Variants in USP33 observed in about 807,000 individuals in gnomAD.
USP33 encodes the protein ubiquitin carboxyl-terminal hydrolase 33.
Under a neutral mutation model 124.2 loss-of-function variants are expected in USP33, and 46 were observed. The observed-to-expected ratio is 0.37, with a 90% CI of 0.29 to 0.47. The LOEUF (loss-of-function observed/expected upper bound fraction) is 0.47, where lower values mean the gene tolerates loss of function less well. USP33 is among the 20% of genes least tolerant of loss of function. USP33 has a pLI of 0.99. For missense variants in USP33, 851 were observed against 1,070.6 expected (o/e 0.79, Z 2.86); for synonymous variants, 350 against 352.3 (o/e 0.99, Z 0.07).
In USP33 at chr1:77,697,367, C is replaced by T. The variant is rs1486249366; in HGVS notation, c.2686G>A (p.Asp896Asn). ...ATTTTTTCTTCTGCTTGAAGTATATCTGGATCAACATGAACAACCGGAGGT... is the reference window on the plus strand; with the variant it reads ...ATTTTTTCTTCTGCTTGAAGTATATTTGGATCAACATGAACAACCGGAGGT... ...LRPPVVHVDPDILQAEEKIEV... is the reference protein window; with the variant it reads ...LRPPVVHVDPNILQAEEKIEV... Residue 896 changes from aspartate to asparagine, a missense_variant, in exon 24 of 24, where the codon GAT becomes AAT. Asp to Asn is a conservative substitution (Grantham distance 23, BLOSUM62 1). This residue lies in a region of USP33 where 142 missense variants were observed against 141.8 expected (regional missense o/e 1.00). Coordinates refer to ENST00000370794, the MANE Select transcript of USP33 (RefSeq NM_201624.3). 6.2e-7 allele frequency: 1 copy of T among 1,612,570 alleles called. No individual in the cohort carries two copies. The highest frequency in any genetic ancestry group is 8.5e-7 in the Non-Finnish European group (1 of 1,179,682).
At chr1:77,721,035 T>C (rs1676507563) in intron 15 of USP33, 137 bp downstream of exon 15, 1 of 882,676 alleles carries the variant, frequency 1.1e-6, no homozygotes, top group South Asian at 1.6e-5. Flanking sequence ...AAACAGCTAA[T>C]CTCTATTATT....
rs577662481 is a variant in USP33 at position 77,703,943 on chromosome 1, T to A, written c.2407-2472A>T. On this transcript the variant is annotated intron_variant, in intron 21 of 23. Transcript: ENST00000370794. Reference sequence around the variant, plus strand: ...GCTGATGTGGGGGATCTCTTGAGCCTGGGAGATCAAGGCTGCAAAATTAAC... The same window carrying A: ...GCTGATGTGGGGGATCTCTTGAGCCAGGGAGATCAAGGCTGCAAAATTAAC... 2.0e-5 allele frequency among the ~76,000 whole-genome samples: 3 copies of A among 152,146 alleles called. No individual in the cohort carries two copies. In the East Asian group the frequency reaches 5.8e-4, roughly 29 times the overall value.
intron 3 of USP33, 96 bp from the exon 4 acceptor site, chr1:77,741,035 T>C: frequency 1.2e-6 from 1 of 849,600 alleles, no homozygotes; most frequent in Non-Finnish European, 1.8e-6. Context: ...TAAGTTTGGA[T>C]TACCTGTTTT....
chr1:77,721,365 T>TCC, intron 14 of USP33, 160 bp from the exon 15 acceptor site: 2 of 677,576 alleles, frequency 3.0e-6, no homozygotes, highest in South Asian at 3.9e-5. Flanking sequence ...CTGTTTACCT[T>TCC]CCCCTCCCTT....
intron 7 of USP33, 79 bp from the exon 8 acceptor site, chr1:77,730,810 A>G (rs1677718943): frequency 1.1e-6 from 1 of 891,462 alleles, no homozygotes; most frequent in African/African-American, 1.7e-5. Context: ...TTAACTGACA[A>G]CACATACATT....
At chr1:77,711,689 A>G (rs752931125) in intron 21 of USP33, 58 bp downstream of exon 21, 10 of 1,573,144 alleles carry the variant, frequency 6.4e-6, no homozygotes, top group Middle Eastern at 2.2e-4. Context: ...TATAACTCTG[A>G]TAATTGTCAG....
chr1:77,754,598 G>A (rs548775255), intron 1 of USP33, among the ~76,000 whole-genome samples: 1 of 152,262 alleles, frequency 6.6e-6, no homozygotes, highest in Non-Finnish European at 1.5e-5. Flanking sequence ...AGGATTTGAA[G>A]ATCCCACAAA....
At chr1:77,752,346 C>T (rs770846122) in intron 1 of USP33, among the ~76,000 whole-genome samples, 17 of 151,248 alleles carry the variant, frequency 1.1e-4, no homozygotes, top group East Asian at 2.0e-4. Context: ...ACCGTGTTAC[C>T]CAGACTGGTC....
chr1:77,759,095 G>C (rs1467784803), intron 1 of USP33, among the ~76,000 whole-genome samples: 1 of 152,218 alleles, frequency 6.6e-6, no homozygotes, highest in African/African-American at 2.4e-5. Flanking sequence ...GCTGCAGATG[G>C]ACAGAAGGTA....
At chr1:77,722,620 A>G (rs1676696027) in intron 12 of USP33, among the ~76,000 whole-genome samples, 1 of 152,244 alleles carries the variant, frequency 6.6e-6, no homozygotes, top group South Asian at 2.1e-4. Context: ...TTAAATAGCT[A>G]AAAACATGCC....
rs1673503733 is a variant in USP33 at position 77,697,247 on chromosome 1, T to C, written c.*70A>G. 36 of 1,331,658 alleles carry C rather than the reference T, an allele frequency of 2.7e-5. No homozygotes were observed. The highest frequency in any genetic ancestry group is 3.3e-5 in the Non-Finnish European group (33 of 997,090). 82.5% of individuals were successfully genotyped at this position (1,331,658 alleles called of 1,614,324 possible). A position where few individuals can be genotyped will look rare whatever the true frequency, so the allele number is the denominator to read the frequency against. ...AAGCAAATAAACACGCTTTTAGGAA[T>C]GTTTTCGCATGTGTACATGTCAGGG... On this transcript the variant is annotated 3_prime_UTR_variant, in exon 24 of 24. Transcript: ENST00000370794.
At chr1:77,741,889 A>T in intron 1 of USP33, 141 bp from the exon 2 acceptor site, 1 of 809,720 alleles carries the variant, frequency 1.2e-6, no homozygotes, top group Non-Finnish European at 1.7e-6. Flanking sequence ...TTTGCCCTGT[A>T]AAAAGAGTGT....
intron 4 of USP33, among the ~76,000 whole-genome samples, chr1:77,740,194 A>G (rs1678958278): frequency 6.6e-6 from 1 of 152,190 alleles, no homozygotes. Context: ...CAAAGCAGAA[A>G]GGTGAGTCCA....
At chr1:77,715,907 A>G in intron 17 of USP33, 39 bp from the exon 18 acceptor site, 1 of 1,592,658 alleles carries the variant, frequency 6.3e-7, no homozygotes, top group Non-Finnish European at 8.5e-7. Flanking sequence ...AGTAATACAA[A>G]AACAACAGAA....
Position 77,728,278 on chromosome 1 carries a change from AACT to A in USP33, c.1135+14_1135+16del. On this transcript the variant is annotated intron_variant, in intron 10 of 23. Transcript: ENST00000370794. Reference sequence around the variant, plus strand: ...TGAAATACTATCATTTTCATGAACAAACTACTAAATTGTCACCTGAAGCTCTGC... The same window carrying A: ...TGAAATACTATCATTTTCATGAACAAACTAAATTGTCACCTGAAGCTCTGC... 1 of 1,546,140 alleles carries A rather than the reference AACT, an allele frequency of 6.5e-7. No homozygotes were observed. The highest frequency in any genetic ancestry group is 2.3e-5 in the East Asian group (1 of 44,292).
At chr1:77,756,061 TTAAC>T (rs1190370458) in intron 1 of USP33, among the ~76,000 whole-genome samples, 2 of 152,050 alleles carry the variant, frequency 1.3e-5, no homozygotes, top group East Asian at 3.8e-4. Context: ...TTTTCACAAG[TTAAC>T]TAACTTTTAA....
intron 18 of USP33, among the ~76,000 whole-genome samples, chr1:77,715,306 A>T (rs575554331): frequency 3.3e-5 from 5 of 152,200 alleles, no homozygotes; most frequent in Non-Finnish European, 5.9e-5. Context: ...CGCCGGGTTC[A>T]AGCGATTCTC....
intron 5 of USP33, among the ~76,000 whole-genome samples, chr1:77,739,028 C>T (rs1452623134): frequency 2.0e-5 from 3 of 151,912 alleles, no homozygotes; most frequent in Non-Finnish European, 4.4e-5. Flanking sequence ...TTCAAAAATT[C>T]ATTAGGGCCT....
intron 1 of USP33, among the ~76,000 whole-genome samples, chr1:77,755,976 C>A (rs1299005366): frequency 6.6e-6 from 1 of 152,172 alleles, no homozygotes; most frequent in African/African-American, 2.4e-5. Flanking sequence ...TCATCACTCT[C>A]CTGAATACTA....
Sources: gnomAD v4.1 joint callset for allele counts (sites outside exome capture counted in the v4.1 genomes callset) on GRCh38, gnomAD v4.1.1 for gene constraint, gnomAD v4.1.1 regional missense constraint, MANE v1.5 for transcripts, NCBI Gene and HGNC (gene_info 2026-07-23, HGNC 2026-07-21) for gene names.